Variants in CTNNA2 observed in about 807,000 individuals in gnomAD.
CTNNA2 encodes the protein catenin alpha-2.
A neutral mutation model predicts 101.0 loss-of-function variants in CTNNA2; 42 were observed. The ratio of observed to expected loss-of-function variants is 0.42; its 90% CI spans 0.32 to 0.54. CTNNA2 has a LOEUF of 0.54. Ranked by LOEUF, CTNNA2 falls within the 20% of genes least tolerant of loss-of-function variation. The pLI, the probability that CTNNA2 is intolerant of heterozygous loss-of-function variation, is 0.14. For synonymous variants in CTNNA2, 450 were observed against 456.4 expected, an observed-to-expected ratio of 0.99 and a Z score of 0.18; for missense variants, 871 against 1,223.1, an observed-to-expected ratio of 0.71 and a Z score of 4.29.
intron 7 of CTNNA2, chr2:80,313,316 C>G (rs1196686194): frequency 8.9e-7 from 1 of 1,127,922 alleles, no homozygotes. Context: ...ATTTAACATA[C>G]GTGTTTGCTG....
chr2:79,450,550 C>G (rs1254020834), intron 4 of CTNNA2, among the ~76,000 whole-genome samples: 1 of 151,988 alleles, frequency 6.6e-6, no homozygotes, highest in Non-Finnish European at 1.5e-5. Flanking sequence ...ACTAGGTATG[C>G]TTTTTGTTTG....
chr2:79,650,961 T>C lies in CTNNA2; in HGVS notation c.-5-591T>C, dbSNP rs563312783. 1.6e-4 allele frequency among the ~76,000 whole-genome samples: 24 copies of C among 152,208 alleles called. No individual in the cohort carries two copies. The South Asian group carries it at 3.7e-3, about 24-fold the overall frequency. On this transcript the variant is annotated intron_variant, in intron 1 of 18. Transcript: ENST00000402739. Reference sequence around the variant, plus strand: ...TTCATCCATGTCCCTACACAGGACATGAACTCATCATTTTTTATGGCTGCA... The same window carrying C: ...TTCATCCATGTCCCTACACAGGACACGAACTCATCATTTTTTATGGCTGCA...
chr2:79,478,872 C>T (rs1224986086), intron 4 of CTNNA2, among the ~76,000 whole-genome samples: 1 of 152,186 alleles, frequency 6.6e-6, no homozygotes, highest in Non-Finnish European at 1.5e-5. Context: ...AACAGACTCT[C>T]AAAGTGAAGG....
intron 4 of CTNNA2, among the ~76,000 whole-genome samples, chr2:79,408,858 C>A (rs1678373371): frequency 6.6e-6 from 1 of 151,556 alleles, no homozygotes; most frequent in South Asian, 2.1e-4. Flanking sequence ...AGTTCTAGAT[C>A]CCTGAGGAAT....
At chr2:79,464,989 T>G (rs1406835715) in intron 4 of CTNNA2, among the ~76,000 whole-genome samples, 1 of 152,194 alleles carries the variant, frequency 6.6e-6, no homozygotes, top group Non-Finnish European at 1.5e-5. Context: ...TTAGTTTAAT[T>G]AGATCCCATT....
At chr2:80,124,582 T>A (rs749259270) in intron 7 of CTNNA2, among the ~76,000 whole-genome samples, 14 of 152,202 alleles carry the variant, frequency 9.2e-5, no homozygotes, top group Admixed American at 2.6e-4. Flanking sequence ...TTCTCGTATA[T>A]AGTACAAAGG....
intron 1 of CTNNA2, among the ~76,000 whole-genome samples, chr2:79,549,777 T>A (rs1673973957): frequency 6.6e-6 from 1 of 152,186 alleles, no homozygotes; most frequent in Non-Finnish European, 1.5e-5. Flanking sequence ...GGGGATATCA[T>A]GGGAGGACCA....
intron 3 of CTNNA2, among the ~76,000 whole-genome samples, chr2:79,365,748 TG>T (rs1038643799): frequency 5.3e-5 from 8 of 152,102 alleles, no homozygotes; most frequent in African/African-American, 1.9e-4. Context: ...AAAATATGAA[TG>T]TGACTCCTTC....
intron 9 of CTNNA2, among the ~76,000 whole-genome samples, chr2:80,475,641 T>C (rs1161675035): frequency 6.6e-6 from 1 of 152,152 alleles, no homozygotes; most frequent in African/African-American, 2.4e-5. Context: ...CAGGGTCTAC[T>C]ATTCTTTGAC....
chr2:80,140,380 A>G (rs1291709496), intron 7 of CTNNA2, among the ~76,000 whole-genome samples: 1 of 152,150 alleles, frequency 6.6e-6, no homozygotes, highest in East Asian at 1.9e-4. Flanking sequence ...CTTGCATGTC[A>G]GCTGGGTTCA....
intron 3 of CTNNA2, among the ~76,000 whole-genome samples, chr2:79,347,426 G>T (rs142805925): frequency 1.1e-3 from 162 of 152,186 alleles, no homozygotes; most frequent in Middle Eastern, 6.8e-3. Flanking sequence ...TTACTTAAAG[G>T]GTTGTTGGGA....
intron 4 of CTNNA2, among the ~76,000 whole-genome samples, chr2:79,400,425 T>A (rs1039595370): frequency 4.1e-4 from 63 of 152,120 alleles, no homozygotes; most frequent in African/African-American, 1.5e-3. Flanking sequence ...ATAGCTGCTA[T>A]ATAGAGAATA....
intron 4 of CTNNA2, among the ~76,000 whole-genome samples, chr2:79,420,931 C>T (rs1678534274): frequency 6.6e-6 from 1 of 152,076 alleles, no homozygotes; most frequent in Non-Finnish European, 1.5e-5. Context: ...AGTGTCTAAA[C>T]TGATAAGTAA....
chr2:79,589,199 A>C (rs2103967192), intron 1 of CTNNA2, among the ~76,000 whole-genome samples: 1 of 152,324 alleles, frequency 6.6e-6, no homozygotes, highest in Non-Finnish European at 1.5e-5. Context: ...AAGTGATCTA[A>C]GGCCGTGCCA....
At chr2:79,227,201 A>G (rs1035535767) in intron 2 of CTNNA2, among the ~76,000 whole-genome samples, 15 of 151,892 alleles carry the variant, frequency 9.9e-5, no homozygotes, top group African/African-American at 3.6e-4. Flanking sequence ...AGGAAAGGTA[A>G]CTCCTCCAGG....
intron 4 of CTNNA2, among the ~76,000 whole-genome samples, chr2:79,401,498 T>G (rs1215242702): frequency 2.0e-5 from 3 of 151,600 alleles, no homozygotes; most frequent in Non-Finnish European, 4.4e-5. Flanking sequence ...GAGCAAATAT[T>G]TGTATACTAT....
intron 7 of CTNNA2, among the ~76,000 whole-genome samples, chr2:80,245,239 T>A (rs1671231267): frequency 6.6e-6 from 1 of 152,224 alleles, no homozygotes; most frequent in South Asian, 2.1e-4. Context: ...AAATTCTTTG[T>A]CAGTGAACTC....
chr2:79,674,617 T>C (rs1405374775), intron 2 of CTNNA2, among the ~76,000 whole-genome samples: 1 of 152,168 alleles, frequency 6.6e-6, no homozygotes, highest in Non-Finnish European at 1.5e-5. Flanking sequence ...AGATCTCTAG[T>C]AAATAGAAAT....
intron 7 of CTNNA2, among the ~76,000 whole-genome samples, chr2:80,232,286 GAATAAATCTCTTCAAA>G (rs1175369699): frequency 1.4e-5 from 2 of 145,978 alleles, no homozygotes; most frequent in East Asian, 4.4e-4. Flanking sequence ...ATTTGACTTG[GAATAAATCTCTTCAAA>G]TATTTTACAG....
Sources: gnomAD v4.1 joint callset for allele counts (sites outside exome capture counted in the v4.1 genomes callset) on GRCh38, gnomAD v4.1.1 for gene constraint, MANE v1.5 for transcripts, NCBI Gene and HGNC (gene_info 2026-07-23, HGNC 2026-07-21) for gene names.